SLC4A4: variants seen among roughly 807,000 people sequenced by gnomAD.
SLC4A4 encodes the protein solute carrier family 4 member 4.
Under a neutral mutation model 111.5 loss-of-function variants are expected in SLC4A4, and 27 were observed. The observed-to-expected ratio is 0.24, with a 90% confidence interval of 0.18 to 0.33. The LOEUF is 0.33. Among genes scored for constraint, SLC4A4 ranks in the 10% least tolerant of loss-of-function variants. The pLI, the probability that SLC4A4 is intolerant of heterozygous loss-of-function variation, is 1.00. For synonymous variants in SLC4A4, 443 were observed against 463.4 expected (o/e 0.96, Z 0.57); for missense variants, 909 against 1,315.5 (o/e 0.69, Z 4.78).
At chr4:71,464,336 A>G (rs1281079446) in intron 12 of SLC4A4, among the ~76,000 whole-genome samples, 1 of 152,180 alleles carries the variant, frequency 6.6e-6, no homozygotes, top group African/African-American at 2.4e-5. Flanking sequence ...TTCAGAAATC[A>G]AGGCAAATGC....
intron 12 of SLC4A4, among the ~76,000 whole-genome samples, chr4:71,462,658 C>T (rs1475253319): frequency 6.6e-6 from 1 of 152,096 alleles, no homozygotes; most frequent in Non-Finnish European, 1.5e-5. Flanking sequence ...ATCTGTCCAC[C>T]TGAGCCTCCC....
intron 2 of SLC4A4, among the ~76,000 whole-genome samples, chr4:71,146,325 AT>A (rs1744166281): frequency 6.6e-6 from 1 of 152,094 alleles, no homozygotes; most frequent in Non-Finnish European, 1.5e-5. Flanking sequence ...GTTTGTTATA[AT>A]TTCTGTTCTT....
chr4:71,413,365 TG>T (rs1042012924), intron 7 of SLC4A4, among the ~76,000 whole-genome samples: 3 of 152,220 alleles, frequency 2.0e-5, no homozygotes, highest in Non-Finnish European at 4.4e-5. Flanking sequence ...AGCAGTCATT[TG>T]GAAGTCAATA....
intron 16 of SLC4A4, among the ~76,000 whole-genome samples, chr4:71,518,141 A>G (rs1430881538): frequency 6.6e-6 from 1 of 152,022 alleles, no homozygotes; most frequent in Non-Finnish European, 1.5e-5. Flanking sequence ...GTTTGGGATC[A>G]TAGAGGCTGG....
Position 71,366,599 on chromosome 4 carries a change from A to AGTGATG in SLC4A4, c.730+9413_730+9418dup, listed in dbSNP as rs1187779570. On this transcript the variant is annotated intron_variant, in intron 6 of 25. Transcript: ENST00000264485. ...TTGTTTATACCTGAAGTCAGGCAAA[A>AGTGATG]GTGATGTAAAGAGAATATGTAAGAT... is the stretch of plus-strand genomic sequence containing the variant. Among the ~76,000 whole-genome samples, 3 of 152,186 alleles carry AGTGATG rather than the reference A, an allele frequency of 2.0e-5. No individual in the cohort carries two copies. In the East Asian group the frequency reaches 5.8e-4, roughly 29 times the overall value.
chr4:71,227,270 G>GTGTA (rs1245535558), intron 1 of SLC4A4, among the ~76,000 whole-genome samples: 1 of 152,174 alleles, frequency 6.6e-6, no homozygotes, highest in Admixed American at 6.5e-5. Context: ...ACGGTTCAGG[G>GTGTA]TGTATGGCAT....
Position 71,148,712 on chromosome 4 carries a change from C to T in SLC4A4, c.-2+55920C>T, listed in dbSNP as rs187650371. 1.8e-3 allele frequency among the ~76,000 whole-genome samples: 272 copies of T among 152,208 alleles called. 1 individual carries two copies. The highest frequency in any genetic ancestry group is 5.9e-3 in the African/African-American group (244 of 41,540). On this transcript the variant is annotated intron_variant, in intron 2 of 26. Coordinates refer to the SLC4A4 transcript ENST00000649996. ...TGGCCTCCAGCTCCATCCATGTTCC[C>T]GCAAAGGACATGATCTTGTTCTTTT...
intron 3 of SLC4A4, among the ~76,000 whole-genome samples, chr4:71,263,697 C>CT (rs918713144): frequency 4.6e-5 from 7 of 151,792 alleles, no homozygotes; most frequent in Non-Finnish European, 8.8e-5. Flanking sequence ...CAGGAAAAGT[C>CT]TTTTTTTTAT....
chr4:71,190,415 CACACACACACACACAG>C (rs1429551285), intron 1 of SLC4A4, among the ~76,000 whole-genome samples: 3 of 148,826 alleles, frequency 2.0e-5, no homozygotes, highest in South Asian at 2.1e-4. Flanking sequence ...CACACACACA[CACACACACACACACAG>C]ACACAACTCA....
intron 1 of SLC4A4, among the ~76,000 whole-genome samples, chr4:71,204,724 A>G (rs1029872470): frequency 6.6e-6 from 1 of 152,194 alleles, no homozygotes; most frequent in Non-Finnish European, 1.5e-5. Flanking sequence ...TAATATATTA[A>G]AGAAATGAAT....
At chr4:71,458,359 A>T (rs145138069) in intron 12 of SLC4A4, among the ~76,000 whole-genome samples, 9 of 152,124 alleles carry the variant, frequency 5.9e-5, no homozygotes, top group African/African-American at 2.2e-4. Context: ...TGTTCCTTTT[A>T]GTGTTATGAG....
intron 1 of SLC4A4, among the ~76,000 whole-genome samples, chr4:71,220,345 G>A (rs1299994337): frequency 6.6e-6 from 1 of 152,164 alleles, no homozygotes; most frequent in Non-Finnish European, 1.5e-5. Context: ...CAACAGTGTA[G>A]TATAAACGTA....
intron 2 of SLC4A4, among the ~76,000 whole-genome samples, chr4:71,100,508 C>T (rs115850494): frequency 0.026 from 4,008 of 152,194 alleles, 74 homozygotes; most frequent in Middle Eastern, 0.041. Context: ...TGGGCAAAAG[C>T]TGGAAGCACC....
chr4:71,492,507 CT>C (rs1228096872), intron 15 of SLC4A4, among the ~76,000 whole-genome samples: 16 of 151,928 alleles, frequency 1.1e-4, no homozygotes, highest in Admixed American at 1.1e-3. Flanking sequence ...TTCTTTAAAT[CT>C]TTTCCCCCAG....
chr4:71,236,601 A>G lies in SLC4A4; in HGVS notation c.25A>G (p.Arg9Gly), dbSNP rs1182345891. The G allele has an allele frequency of 3.7e-6, 6 of 1,613,866 alleles. No homozygotes were observed. Among genetic ancestry groups the G allele is most frequent in the Non-Finnish European group, 4.2e-6 (5 of 1,179,790 alleles). Residue 9 changes from arginine to glycine, a missense_variant, in exon 2 of 26, where the codon AGA becomes GGA. Around this residue, in one of 7 missense-constraint regions of SLC4A4, gnomAD observed 117 missense variants for 154.2 expected, o/e 0.76. Transcript: ENST00000264485. MEDEAVLD[R>G]GASFLKHVCD... ...GATGGAGGATGAAGCTGTCCTGGACAGAGGGGCTTCCTTCCTCAAGCATGT... is the reference window on the plus strand; with the variant it reads ...GATGGAGGATGAAGCTGTCCTGGACGGAGGGGCTTCCTTCCTCAAGCATGT...
At chr4:71,537,154 TG>T (rs1734578204) in intron 18 of SLC4A4, among the ~76,000 whole-genome samples, 1 of 151,976 alleles carries the variant, frequency 6.6e-6, no homozygotes, top group African/African-American at 2.4e-5. Context: ...ATATTTTTCC[TG>T]CTATACCTAC....
At chr4:71,141,010 A>G (rs899122944) in intron 2 of SLC4A4, among the ~76,000 whole-genome samples, 2 of 152,178 alleles carry the variant, frequency 1.3e-5, no homozygotes, top group Admixed American at 6.5e-5. Flanking sequence ...TTTTGTGGAG[A>G]GAATATTTGA....
chr4:71,498,773 A>G (rs935367733), intron 16 of SLC4A4, among the ~76,000 whole-genome samples: 5 of 152,182 alleles, frequency 3.3e-5, no homozygotes, highest in African/African-American at 1.2e-4. Flanking sequence ...CATGGGCATT[A>G]CAAGCTGGTG....
At chr4:71,213,759 C>T (rs918415488) in intron 1 of SLC4A4, among the ~76,000 whole-genome samples, 2 of 152,092 alleles carry the variant, frequency 1.3e-5, no homozygotes, top group Non-Finnish European at 2.9e-5. Flanking sequence ...GGGATTAGTG[C>T]CCCTGTAAGA....
Sources: gnomAD v4.1 joint callset for allele counts (sites outside exome capture counted in the v4.1 genomes callset) on GRCh38, gnomAD v4.1.1 for gene constraint, gnomAD v4.1.1 regional missense constraint, MANE v1.5 for transcripts, NCBI Gene and HGNC (gene_info 2026-07-23, HGNC 2026-07-21) for gene names.